The following LAT variants were observed in gnomAD, a reference collection of about 807,000 sequenced individuals.
LAT encodes the protein linker for activation of T cells.
A neutral mutation model predicts 39.1 loss-of-function variants in LAT; 12 were observed. The ratio of observed to expected loss-of-function variants is 0.31; its 90% CI spans 0.20 to 0.50. LAT has a LOEUF of 0.50. Ranked by LOEUF, LAT falls within the 20% of genes least tolerant of loss-of-function variation. The pLI is 0.98. For missense variants in LAT, 253 were observed against 308.0 expected (o/e 0.82, Z 1.34); for synonymous variants, 117 against 123.8 (o/e 0.95, Z 0.36).
intron 9 of LAT, 78 bp from the exon 10 acceptor site, chr16:28,989,696 C>G (rs1965830610): frequency 1.9e-6 from 3 of 1,591,924 alleles, no homozygotes; most frequent in East Asian, 2.2e-5. Flanking sequence ...TCTGCCCCCT[C>G]TGTCTGGGCG....
At position 28,985,883 on chromosome 16, in the gene LAT, G is replaced by A. The variant is rs150635404; in HGVS notation, c.158G>A (p.Arg53Gln). ...SLYPRGIQFKRPHTVAPWPPA... is the reference protein window; with the variant it reads ...SLYPRGIQFKQPHTVAPWPPA... ...TATCCAAGGGGCATCCAGTTCAAAC[G>A]GCCTCGTGAGTACAAGGAGGGTCCC... is the stretch of plus-strand genomic sequence containing the variant. The change falls in exon 3 of 12, where the codon CGG (arginine) becomes CAG (glutamine). Residue 53 changes from arginine to glutamine, a missense_variant. Transcript: ENST00000395456. The surrounding 1 kb of genome is among the most constrained non-coding windows in gnomAD (Gnocchi z 4.6). 828 of 1,614,048 alleles carry A rather than the reference G, an allele frequency of 5.1e-4. No homozygotes were observed. The highest frequency in any genetic ancestry group is 6.5e-4 in the Non-Finnish European group (772 of 1,179,972).
chr16:28,986,896 G>A lies in LAT; in HGVS notation c.493+3G>A, dbSNP rs149585476. On this transcript the variant is annotated splice_donor_region_variant and intron_variant, in intron 8 of 11. Transcript: ENST00000395456. This position sits in a 1 kb window ranked among gnomAD's most constrained non-coding sequence, Gnocchi z 5.7. ...CATCCGAGACAGTGCCTTCTCCAGT[G>A]AGTCAGGCATTTGTTTTTATTTTTA... The A allele has an allele frequency of 6.0e-4, 970 of 1,612,940 alleles. 6 individuals are homozygous for A. In the African/African-American group the frequency reaches 0.011, roughly 18 times the overall value.
At chr16:28,990,156 A>G in intron 11 of LAT, 33 bp from the exon 12 acceptor site, 1 of 747,392 alleles carries the variant, frequency 1.3e-6, no homozygotes, top group Non-Finnish European at 2.3e-6. Flanking sequence ...CAGCCTCCTG[A>G]TCCGTATCCC....
chr16:28,985,538 G>A lies in LAT; in HGVS notation c.100+21G>A, dbSNP rs1446742269. On this transcript the variant is annotated intron_variant, in intron 1 of 11. Coordinates refer to ENST00000395456, the MANE Select transcript of LAT (RefSeq NM_001014987.2). The surrounding 1 kb of genome is among the most constrained non-coding windows in gnomAD (Gnocchi z 4.6). ...GCCAGGTGAGTGGGAAACTGGTGGG[G>A]GTACCCAGGGCCCAGGGACACCGAC... The A allele has an allele frequency of 1.2e-6, 2 of 1,611,420 alleles. No individual in the cohort carries two copies. Among genetic ancestry groups the A allele is most frequent in the South Asian group, 2.2e-5 (2 of 90,900 alleles).
In LAT at chr16:28,985,588, CTG is replaced by C; in HGVS notation, c.100+75_100+76del. On this transcript the variant is annotated intron_variant, in intron 1 of 11. Transcript: ENST00000395456. This position sits in a 1 kb window ranked among gnomAD's most constrained non-coding sequence, Gnocchi z 4.6. Reference sequence around the variant, plus strand: ...CGGGATCCTCATCCACTCCCAGCCCCTGTGTCTGTCCTGGCTCTGTCCCTGCC... The same window carrying C: ...CGGGATCCTCATCCACTCCCAGCCCCTGTCTGTCCTGGCTCTGTCCCTGCC... 6.2e-7 allele frequency: 1 copy of C among 1,601,970 alleles called. No homozygotes were observed. Among genetic ancestry groups the C allele is most frequent in the Non-Finnish European group, 8.5e-7 (1 of 1,170,652 alleles).
At chr16:28,990,091 G>A in intron 11 of LAT, 72 bp downstream of exon 11, 1 of 1,293,334 alleles carries the variant, frequency 7.7e-7, no homozygotes, top group Non-Finnish European at 1.1e-6. Flanking sequence ...GGACCCCCTT[G>A]CCCAACCCTA....
At position 28,986,566 on chromosome 16, in the gene LAT, G is replaced by A. The variant is rs966408577; in HGVS notation, c.337G>A (p.Glu113Lys). Residue 113 changes from glutamate (E) to lysine (K), a missense_variant, in exon 6 of 12, where the codon GAG becomes AAG. Physicochemically the swap from Glu to Lys is moderately conservative, Grantham distance 56 (BLOSUM62 1). Transcript: ENST00000395456. The surrounding 1 kb of genome is among the most constrained non-coding windows in gnomAD (Gnocchi z 5.7). ...GANSVASYENEEPACEDADED... is the reference protein window; with the variant it reads ...GANSVASYENKEPACEDADED... ...CAACAGTGTGGCGAGCTACGAGAAC[G>A]AGGGTGCGTCTGGGATCCGAGGTGC... 5.0e-6 allele frequency: 8 copies of A among 1,612,992 alleles called. No individual in the cohort carries two copies. Among genetic ancestry groups the A allele is most frequent in the African/African-American group, 1.3e-5 (1 of 74,902 alleles).
intron 9 of LAT, 46 bp from the exon 10 acceptor site, chr16:28,989,728 C>T (rs369094656): frequency 1.9e-6 from 3 of 1,609,032 alleles, no homozygotes; most frequent in Non-Finnish European, 2.6e-6. Context: ...TCTCGCCCTC[C>T]TGACCCCTTT....
chr16:28,990,394 C>A lies in LAT; in HGVS notation c.*213C>A, dbSNP rs1965844617. The A allele has an allele frequency of 2.3e-6, 1 of 430,092 alleles. No individual in the cohort carries two copies. Among genetic ancestry groups the A allele is most frequent in the Non-Finnish European group, 4.5e-6 (1 of 219,998 alleles). The allele number at this position is 430,092 out of a possible 1,614,324, so 26.6% of individuals were successfully genotyped here. On this transcript the variant is annotated 3_prime_UTR_variant, in exon 12 of 12. Coordinates refer to ENST00000395456, the MANE Select transcript of LAT (RefSeq NM_001014987.2). ...ACCTTCTGACGCAGCCTGAGAATGACCTGCCCTGGCCCCAGCCCTACTCTG... is the reference window on the plus strand; with the variant it reads ...ACCTTCTGACGCAGCCTGAGAATGAACTGCCCTGGCCCCAGCCCTACTCTG...
upstream of LAT, chr16:28,984,946 TC>T: frequency 6.6e-7 from 1 of 1,519,476 alleles, no homozygotes. Context: ...CTGGGGTGGC[TC>T]CCGGGCCTCC....
Position 28,985,197 on chromosome 16 carries a change from C to A in LAT, c.-221C>A. The stretch of plus-strand genomic sequence containing the variant: ...TGACCACCCTGGGAGCAGGGACTTT[C>A]CACAGTCAGCTGGACGCACACTCAG... On this transcript the variant is annotated 5_prime_UTR_variant, in exon 1 of 12. Coordinates refer to ENST00000395456, the MANE Select transcript of LAT (RefSeq NM_001014987.2). The surrounding 1 kb of genome is among the most constrained non-coding windows in gnomAD (Gnocchi z 4.6). 1 of 1,429,930 alleles carries A rather than the reference C, an allele frequency of 7.0e-7. No homozygotes were observed. Among genetic ancestry groups the A allele is most frequent in the Non-Finnish European group, 9.1e-7 (1 of 1,096,434 alleles). The allele number at this position is 1,429,930 out of a possible 1,614,324, so 88.6% of individuals were successfully genotyped here.
At chr16:28,984,882 C>G (rs1206286908), upstream of LAT, 1 of 1,549,698 alleles carries the variant, frequency 6.5e-7, no homozygotes, top group Non-Finnish European at 8.7e-7. Context: ...CGGCTGCCAG[C>G]TGGCAGGTGG....
chr16:28,985,559 C>CCGA lies in LAT; in HGVS notation c.100+45_100+47dup. ...TGGGGGTACCCAGGGCCCAGGGACA[C>CCGA]CGACGGGATCCTCATCCACTCCCAG... On this transcript the variant is annotated intron_variant, in intron 1 of 11. Transcript: ENST00000395456. The surrounding 1 kb of genome is among the most constrained non-coding windows in gnomAD (Gnocchi z 4.6). 1 of 1,605,570 alleles carries CCGA rather than the reference C, an allele frequency of 6.2e-7. No individual in the cohort carries two copies. The highest frequency in any genetic ancestry group is 1.1e-5 in the South Asian group (1 of 90,466).
chr16:28,989,483 GGGT>G (rs771802250), intron 8 of LAT, 41 bp from the exon 9 acceptor site: 17,126 of 1,544,632 alleles, frequency 0.011, 112 homozygotes, highest in Non-Finnish European at 0.013. Flanking sequence ...CTGTGGCCAA[GGGT>G]CTCTGGTCAC....
rs891061029 is a variant in LAT, at chr16:28,986,044, C to T, written c.164-91C>T. 4 of 1,386,370 alleles carry T rather than the reference C, an allele frequency of 2.9e-6. No homozygotes were observed. The African/African-American group carries it at 4.3e-5, about 15-fold the overall frequency. 85.9% of individuals were successfully genotyped at this position (1,386,370 alleles called of 1,614,324 possible). On this transcript the variant is annotated intron_variant, in intron 3 of 11. Transcript: ENST00000395456. The surrounding 1 kb of genome is among the most constrained non-coding windows in gnomAD (Gnocchi z 5.7). ...GGGGAGATGGCTCCCCCAGGCCTGT[C>T]CAGGGTGTGGGGCTTTCAGGGGCTT...
intron 8 of LAT, 116 bp downstream of exon 8, chr16:28,987,009 T>G: frequency 2.4e-6 from 2 of 848,600 alleles, no homozygotes; most frequent in Non-Finnish European, 3.6e-6. Context: ...TCCTCCCAAG[T>G]AGGCTACTCG....
At chr16:28,984,848 C>T, upstream of LAT, 5 of 1,550,360 alleles carry the variant, frequency 3.2e-6, no homozygotes, top group Non-Finnish European at 3.5e-6. Context: ...TCGCTGCCTC[C>T]CCGGGTCCTG....
In LAT at chr16:28,985,282, G is replaced by A. The variant is rs867917519; in HGVS notation, c.-136G>A. The A allele has an allele frequency of 1.4e-5, 20 of 1,467,258 alleles. No individual in the cohort carries two copies. The East Asian group carries it at 1.7e-4, about 13-fold the overall frequency. 90.9% of individuals were successfully genotyped at this position (1,467,258 alleles called of 1,614,324 possible). A position where few individuals can be genotyped will look rare whatever the true frequency, so the allele number is the denominator to read the frequency against. ...GGGGAGGGCACAGCTGCCTCCTCCC[G>A]GGCTCCCCTGCCACCTGGTGCCTAC... On this transcript the variant is annotated 5_prime_UTR_variant, in exon 1 of 12. Coordinates refer to ENST00000395456, the MANE Select transcript of LAT (RefSeq NM_001014987.2). This position sits in a 1 kb window ranked among gnomAD's most constrained non-coding sequence, Gnocchi z 4.6.
chr16:28,985,018 C>T (rs1457791907), upstream of LAT: 4 of 1,426,062 alleles, frequency 2.8e-6, no homozygotes, highest in Non-Finnish European at 3.7e-6. This position sits in a 1 kb window ranked among gnomAD's most constrained non-coding sequence, Gnocchi z 4.6. Context: ...CGGCTGAGAG[C>T]TTGATGATTT....
Sources: allele counts gnomAD v4.1 joint callset, GRCh38; gene constraint gnomAD v4.1.1; non-coding constraint Gnocchi (gnomAD v3.1); transcripts MANE v1.5; gene names NCBI Gene and HGNC (gene_info 2026-07-23, HGNC 2026-07-21).